Variants in ADGRL3 observed in about 807,000 individuals in gnomAD.
The protein encoded by ADGRL3 is adhesion G protein-coupled receptor L3, also known as calcium-independent alpha-latrotoxin receptor 3.
A neutral mutation model predicts 153.5 loss-of-function variants in ADGRL3; 62 were observed. The observed-to-expected ratio is 0.40, with a 90% confidence interval of 0.33 to 0.50. The LOEUF (loss-of-function observed/expected upper bound fraction) is 0.50. Among genes scored for constraint, ADGRL3 ranks in the 20% least tolerant of loss-of-function variants. ADGRL3 has a pLI of 0.47. For synonymous variants in ADGRL3, 710 were observed against 672.5 expected, an observed-to-expected ratio of 1.06 and a Z score of -0.86; for missense variants, 1,641 against 1,859.4, an observed-to-expected ratio of 0.88 and a Z score of 2.16.
intron 25 of ADGRL3, among the ~76,000 whole-genome samples, chr4:62,067,884 G>C (rs943838448): frequency 6.6e-6 from 1 of 152,024 alleles, no homozygotes; most frequent in Admixed American, 6.6e-5. Context: ...ATGATCTTAA[G>C]TGTGTATTTG....
At chr4:61,206,621 T>C (rs1391936691) in intron 1 of ADGRL3, among the ~76,000 whole-genome samples, 2 of 152,230 alleles carry the variant, frequency 1.3e-5, no homozygotes. Context: ...TTATGTATTC[T>C]CAAGTTTTAG....
At chr4:62,047,067 C>A (rs1433868902) in intron 25 of ADGRL3, among the ~76,000 whole-genome samples, 1 of 151,910 alleles carries the variant, frequency 6.6e-6, no homozygotes, top group Non-Finnish European at 1.5e-5. Flanking sequence ...ATTATATTCT[C>A]TATTACTAAA....
intron 5 of ADGRL3, among the ~76,000 whole-genome samples, chr4:61,621,935 T>G (rs2092547436): frequency 6.6e-6 from 1 of 152,210 alleles, no homozygotes; most frequent in Admixed American, 6.5e-5. Context: ...ATTATTGTTT[T>G]TGTCTATGCC....
At chr4:61,536,492 T>G (rs1221130412) in intron 4 of ADGRL3, among the ~76,000 whole-genome samples, 1 of 152,128 alleles carries the variant, frequency 6.6e-6, no homozygotes, top group African/African-American at 2.4e-5. Context: ...AGTTCCTCAC[T>G]ATTATTGTAT....
At chr4:61,840,781 G>T (rs1299635597) in intron 9 of ADGRL3, among the ~76,000 whole-genome samples, 1 of 152,120 alleles carries the variant, frequency 6.6e-6, no homozygotes, top group African/African-American at 2.4e-5. Flanking sequence ...AAGAGAAAAA[G>T]GTTTGAAATA....
chr4:61,832,507 C>T (rs2097883416), intron 9 of ADGRL3, among the ~76,000 whole-genome samples: 2 of 152,276 alleles, frequency 1.3e-5, no homozygotes, highest in Middle Eastern at 3.4e-3. Flanking sequence ...AAATCCCTTC[C>T]AGTGCTTCCA....
chr4:61,496,643 A>G (rs1251014609), intron 2 of ADGRL3, among the ~76,000 whole-genome samples: 1 of 150,578 alleles, frequency 6.6e-6, no homozygotes, highest in East Asian at 2.0e-4. Flanking sequence ...ATTCCATTTC[A>G]AAAAAAAGAA....
chr4:61,430,370 A>G (rs2097341096), intron 2 of ADGRL3, among the ~76,000 whole-genome samples: 1 of 152,094 alleles, frequency 6.6e-6, no homozygotes, highest in South Asian at 2.1e-4. Context: ...GTTTGTTTGC[A>G]TTTAATTATG....
At chr4:61,632,794 G>T (rs917448211) in intron 5 of ADGRL3, among the ~76,000 whole-genome samples, 7 of 151,930 alleles carry the variant, frequency 4.6e-5, no homozygotes, top group African/African-American at 1.7e-4. Flanking sequence ...GACCTTTCTG[G>T]GTTTCCAGAA....
chr4:61,753,004 C>T (rs1043338607), intron 8 of ADGRL3, among the ~76,000 whole-genome samples: 2 of 151,746 alleles, frequency 1.3e-5, no homozygotes, highest in African/African-American at 4.8e-5. Context: ...CTATTATTAC[C>T]CCAACTGAAA....
At chr4:61,700,563 G>C (rs866271029) in intron 6 of ADGRL3, among the ~76,000 whole-genome samples, 1 of 152,152 alleles carries the variant, frequency 6.6e-6, no homozygotes, top group Non-Finnish European at 1.5e-5. Flanking sequence ...CTGAGCTAAG[G>C]TGCCAATGAT....
chr4:61,473,120 G>A (rs1364844143), intron 2 of ADGRL3, among the ~76,000 whole-genome samples: 1 of 152,056 alleles, frequency 6.6e-6, no homozygotes, highest in Non-Finnish European at 1.5e-5. Flanking sequence ...AGAGATTGAA[G>A]TGTGTTTGAC....
intron 1 of ADGRL3, among the ~76,000 whole-genome samples, chr4:61,306,090 TATTA>T (rs574269776): frequency 1.4e-3 from 218 of 152,030 alleles, no homozygotes; most frequent in African/African-American, 4.8e-3. Flanking sequence ...ATTTATTTTT[TATTA>T]ATTAATTAAT....
chr4:61,839,252 C>T (rs1442609158), intron 9 of ADGRL3, among the ~76,000 whole-genome samples: 2 of 152,060 alleles, frequency 1.3e-5, no homozygotes, highest in Non-Finnish European at 2.9e-5. Flanking sequence ...TACAGTGACA[C>T]TTGTCACAGC....
At position 62,037,767 on chromosome 4, in the gene ADGRL3, T is replaced by C; in HGVS notation, c.3628T>C (p.Cys1210Arg). 3.1e-6 allele frequency: 5 copies of C among 1,613,800 alleles called. No homozygotes were observed. Among genetic ancestry groups the C allele is most frequent in the Non-Finnish European group, 4.2e-6 (5 of 1,179,766 alleles). The change falls in exon 24 of 27, where the codon TGC becomes CGC. Residue 1210 changes from cysteine to arginine, a missense_variant. Physicochemically the swap from Cys to Arg is radical, Grantham distance 180. This residue lies in a region of ADGRL3 where 517 missense variants were observed against 555.0 expected (regional missense o/e 0.93). Coordinates refer to ENST00000683033, the MANE Select transcript of ADGRL3 (RefSeq NM_001387552.1). Reference sequence around the variant, plus strand: ...GTATGGGAAATGCCTGCGAACACATTGCTGTAGTGGCAAAAGTACAGAGAG... The same window carrying C: ...GTATGGGAAATGCCTGCGAACACATCGCTGTAGTGGCAAAAGTACAGAGAG... ...KEYGKCLRTH[C>R]CSGKSTESSI...
intron 5 of ADGRL3, among the ~76,000 whole-genome samples, chr4:61,667,327 TA>T (rs2094834320): frequency 6.6e-6 from 1 of 152,176 alleles, no homozygotes; most frequent in South Asian, 2.1e-4. Flanking sequence ...CATTTATAAA[TA>T]TACATTTATA....
chr4:61,642,500 A>G (rs1230078870), intron 5 of ADGRL3, among the ~76,000 whole-genome samples: 1 of 151,842 alleles, frequency 6.6e-6, no homozygotes, highest in Non-Finnish European at 1.5e-5. Flanking sequence ...TCAGCTTTCT[A>G]CATGTGGCTA....
At chr4:61,796,119 G>A (rs1475643737) in intron 8 of ADGRL3, among the ~76,000 whole-genome samples, 1 of 152,144 alleles carries the variant, frequency 6.6e-6, no homozygotes, top group Non-Finnish European at 1.5e-5. Flanking sequence ...GGGATTATAA[G>A]CGTGAGCCAC....
chr4:61,554,169 G>GTATTTTATTT (rs71211394), intron 4 of ADGRL3, among the ~76,000 whole-genome samples: 14,813 of 138,696 alleles, frequency 0.11, 953 homozygotes, highest in East Asian at 0.22. Context: ...CCTAACTTAG[G>GTATTTTATTT]TATTTTATTT....
Sources: gnomAD v4.1 joint callset for allele counts (sites outside exome capture counted in the v4.1 genomes callset) on GRCh38, gnomAD v4.1.1 for gene constraint, gnomAD v4.1.1 regional missense constraint, MANE v1.5 for transcripts, NCBI Gene and HGNC (gene_info 2026-07-23, HGNC 2026-07-21) for gene names.